Variants in RUNX1T1 observed in about 807,000 individuals in gnomAD.
RUNX1T1 encodes RUNX1 partner transcriptional co-repressor 1.
Under a neutral mutation model 62.8 loss-of-function variants are expected in RUNX1T1, and 4 were observed. The observed-to-expected ratio is 0.06, with a 90% CI of 0.03 to 0.15. RUNX1T1 has a LOEUF of 0.15. Among genes scored for constraint, RUNX1T1 ranks in the 10% least tolerant of loss-of-function variants. The pLI, the probability that RUNX1T1 is intolerant of heterozygous loss-of-function variation, is 1.00. For missense variants in RUNX1T1, 508 were observed against 754.3 expected, an observed-to-expected ratio of 0.67 and a Z score of 3.82; for synonymous variants, 291 against 286.0, an observed-to-expected ratio of 1.02 and a Z score of -0.18.
intron 1 of RUNX1T1, among the ~76,000 whole-genome samples, chr8:92,055,440 T>C (rs1047358468): frequency 6.6e-6 from 1 of 152,190 alleles, no homozygotes; most frequent in Non-Finnish European, 1.5e-5. Flanking sequence ...GCGTTTGTAT[T>C]AATTTATTAA....
At chr8:92,059,910 T>C (rs1831635334) in intron 1 of RUNX1T1, among the ~76,000 whole-genome samples, 1 of 152,154 alleles carries the variant, frequency 6.6e-6, no homozygotes, top group African/African-American at 2.4e-5. Context: ...GACCTAATAC[T>C]AGCCATCTTC....
chr8:91,974,927 C>T, intron 9 of RUNX1T1, among the ~76,000 whole-genome samples: 1 of 152,118 alleles, frequency 6.6e-6, no homozygotes. Context: ...TTACACAGAA[C>T]TACAAACACA....
At chr8:92,038,312 TA>T (rs202129384) in intron 1 of RUNX1T1, among the ~76,000 whole-genome samples, 1 of 151,640 alleles carries the variant, frequency 6.6e-6, no homozygotes, top group African/African-American at 2.4e-5. Flanking sequence ...ATAGAAGTAT[TA>T]AAAAAAACTG....
At chr8:92,103,247 A>G (rs1808459574), upstream of RUNX1T1, 2 of 255,456 alleles carry the variant, frequency 7.8e-6, no homozygotes, top group East Asian at 1.2e-4. Context: ...GGGAATTGCC[A>G]CTGTCACAGG....
chr8:92,075,341 T>G (rs1191473448), intron 2 of RUNX1T1, among the ~76,000 whole-genome samples: 1 of 152,244 alleles, frequency 6.6e-6, no homozygotes, highest in Non-Finnish European at 1.5e-5. Context: ...AGGGCTTCCT[T>G]GAATTTTCAA....
intron 8 of RUNX1T1, among the ~76,000 whole-genome samples, chr8:91,980,204 A>C (rs575487886): frequency 6.6e-6 from 1 of 152,314 alleles, no homozygotes; most frequent in Non-Finnish European, 1.5e-5. Flanking sequence ...TTTAACTAAT[A>C]GTCCCATATT....
intron 1 of RUNX1T1, among the ~76,000 whole-genome samples, chr8:92,055,710 A>G (rs1223042656): frequency 6.6e-6 from 1 of 152,210 alleles, no homozygotes; most frequent in East Asian, 1.9e-4. Flanking sequence ...TATTTTCTAA[A>G]TCAACTATGT....
chr8:92,058,061 T>C (rs113650865), intron 1 of RUNX1T1, among the ~76,000 whole-genome samples: 78 of 152,274 alleles, frequency 5.1e-4, no homozygotes, highest in Middle Eastern at 3.4e-3. Context: ...CCTTCCCCTA[T>C]GTCCCTGACT....
chr8:92,058,703 A>AT (rs1469757252), intron 1 of RUNX1T1, among the ~76,000 whole-genome samples: 1 of 152,202 alleles, frequency 6.6e-6, no homozygotes, highest in Admixed American at 6.5e-5. Context: ...TAAAATATAT[A>AT]TATCTGTTCC....
In RUNX1T1 at chr8:91,966,038, A is replaced by C. The variant is rs150370473; in HGVS notation, c.1458+4620T>G. Among the ~76,000 whole-genome samples the C allele has an allele frequency of 4.8e-4, 73 of 151,516 alleles. No individual in the cohort carries two copies. The East Asian group carries it at 0.01, about 21-fold the overall frequency. On this transcript the variant is annotated intron_variant, in intron 10 of 10. Transcript: ENST00000396218. Reference sequence around the variant, plus strand: ...CAAAGCTTCAAGAGGTGAGCAACCAAAGGTCAATCCTAGCCCAGTGCCCTG... The same window carrying C: ...CAAAGCTTCAAGAGGTGAGCAACCACAGGTCAATCCTAGCCCAGTGCCCTG...
At chr8:91,991,735 G>C (rs1202474811) in exon 6 of RUNX1T1, 1 of 1,614,112 alleles carries the variant, frequency 6.2e-7, no homozygotes. Context: ...AAACGGTAAT[G>C]CTGAGGTGGA....
intron 1 of RUNX1T1, among the ~76,000 whole-genome samples, chr8:92,099,116 AAT>A (rs1294108719): frequency 1.3e-5 from 2 of 152,186 alleles, no homozygotes; most frequent in Non-Finnish European, 2.9e-5. Context: ...ATTTTGCATA[AAT>A]AGAGTCAAAT....
At chr8:92,007,843 C>A (rs1190743121) in intron 4 of RUNX1T1, among the ~76,000 whole-genome samples, 1 of 151,850 alleles carries the variant, frequency 6.6e-6, no homozygotes, top group Non-Finnish European at 1.5e-5. Flanking sequence ...GTGGCCCATG[C>A]CTATAGTCCC....
chr8:91,994,194 A>C (rs1443326108), intron 5 of RUNX1T1, among the ~76,000 whole-genome samples: 1 of 152,160 alleles, frequency 6.6e-6, no homozygotes, highest in Non-Finnish European at 1.5e-5. Context: ...GTCTACACTA[A>C]AACATACTGA....
At chr8:91,963,426 T>C (rs1212955976) in intron 10 of RUNX1T1, among the ~76,000 whole-genome samples, 1 of 152,234 alleles carries the variant, frequency 6.6e-6, no homozygotes, top group Non-Finnish European at 1.5e-5. Context: ...AGTGTTCAAC[T>C]AACAAACGCT....
At position 92,034,793 on chromosome 8, in the gene RUNX1T1, TATATAC is replaced by T. The variant is rs1417373798; in HGVS notation, c.8-17436_8-17431del. On this transcript the variant is annotated intron_variant, in intron 1 of 10. Coordinates refer to ENST00000396218, the Ensembl canonical transcript of RUNX1T1. ...ATATATATACACATATATATATACA[TATATAC>T]ACACACACACACACACACACACACA... is the stretch of plus-strand genomic sequence containing the variant. Among the ~76,000 whole-genome samples, 15 of 73,950 alleles carry T rather than the reference TATATAC, an allele frequency of 2.0e-4. 1 individual carries two copies. The highest frequency in any genetic ancestry group is 6.9e-4 in the African/African-American group (12 of 17,462). 48.5% of individuals were successfully genotyped at this position (73,950 alleles called of 152,430 possible).
At chr8:92,037,408 T>C (rs1041861254) in intron 1 of RUNX1T1, among the ~76,000 whole-genome samples, 2 of 152,156 alleles carry the variant, frequency 1.3e-5, no homozygotes, top group Non-Finnish European at 2.9e-5. Context: ...TCAGGTGCGG[T>C]GACTCATGCC....
chr8:91,990,550 CAT>C (rs1394784311), intron 6 of RUNX1T1, among the ~76,000 whole-genome samples: 6 of 152,126 alleles, frequency 3.9e-5, no homozygotes, highest in African/African-American at 9.7e-5. Context: ...AACCACTGAT[CAT>C]ATGTTTAAAA....
chr8:92,068,985 A>C (rs993252947), intron 2 of RUNX1T1, among the ~76,000 whole-genome samples: 2 of 152,170 alleles, frequency 1.3e-5, no homozygotes, highest in Non-Finnish European at 1.5e-5. Flanking sequence ...TTATAGTAAT[A>C]ATCATCATCA....
Sources: allele counts gnomAD v4.1 joint callset (sites outside exome capture counted in the v4.1 genomes callset), GRCh38; gene constraint gnomAD v4.1.1; transcripts MANE v1.5; gene names NCBI Gene and HGNC (gene_info 2026-07-23, HGNC 2026-07-21).